The following OPCML variants were observed in gnomAD, a reference collection of about 807,000 sequenced individuals.
OPCML encodes opioid-binding protein/cell adhesion molecule.
A neutral mutation model predicts 37.8 loss-of-function variants in OPCML; 13 were observed. The ratio of observed to expected loss-of-function variants is 0.34; its 90% confidence interval spans 0.22 to 0.55. The LOEUF (loss-of-function observed/expected upper bound fraction) is 0.55, where lower values mean the gene tolerates loss of function less well. Ranked by LOEUF, OPCML falls within the 20% of genes least tolerant of loss-of-function variation. OPCML has a pLI of 0.91. For synonymous variants in OPCML, 176 were observed against 168.8 expected (o/e 1.04, Z -0.33); for missense variants, 341 against 435.6 (o/e 0.78, Z 1.93).
chr11:132,853,588 C>A (rs963715967), intron 2 of OPCML, among the ~76,000 whole-genome samples: 2 of 152,152 alleles, frequency 1.3e-5, no homozygotes, highest in Non-Finnish European at 2.9e-5. Context: ...ACAAAAAAAT[C>A]TCTTGCCTAT....
chr11:132,679,914 G>A (rs1383064753), intron 2 of OPCML, among the ~76,000 whole-genome samples: 1 of 152,186 alleles, frequency 6.6e-6, no homozygotes, highest in East Asian at 1.9e-4. Flanking sequence ...CTGTTTGTTG[G>A]AGACAGGTGG....
chr11:132,689,100 C>G (rs1168829174), intron 2 of OPCML, among the ~76,000 whole-genome samples: 1 of 152,064 alleles, frequency 6.6e-6, no homozygotes, highest in African/African-American at 2.4e-5. Flanking sequence ...TGTAACAAAT[C>G]CCGGGAATGC....
rs1162305568 is a variant in OPCML, at chr11:132,694,179, C to CTTTTTT, written c.147-36866_147-36861dup. On this transcript the variant is annotated intron_variant, in intron 2 of 7. Transcript: ENST00000524381. ...GAGTTTCGTTCTGTGAAATCAATGTCTTTTTTTTTTTTTTTTTTTTTTTTT... is the reference window on the plus strand; with the variant it reads ...GAGTTTCGTTCTGTGAAATCAATGTCTTTTTTTTTTTTTTTTTTTTTTTTTTTTTTT... Among the ~76,000 whole-genome samples, 37 of 43,016 alleles carry CTTTTTT rather than the reference C, an allele frequency of 8.6e-4. 7 individuals are homozygous for CTTTTTT. The highest frequency in any genetic ancestry group is 2.9e-3 in the African/African-American group (32 of 11,034). The allele number at this position is 43,016 out of a possible 152,430, so 28.2% of individuals were successfully genotyped here. A position where few individuals can be genotyped will look rare whatever the true frequency, so the allele number is the denominator to read the frequency against.
intron 1 of OPCML, among the ~76,000 whole-genome samples, chr11:133,352,552 AAT>A (rs1234663957): frequency 6.6e-6 from 1 of 152,200 alleles, no homozygotes; most frequent in Non-Finnish European, 1.5e-5. Context: ...CTTTCACTTC[AAT>A]ATAAATGGAG....
At chr11:133,496,335 A>T (rs1419341397) in intron 1 of OPCML, among the ~76,000 whole-genome samples, 2 of 152,170 alleles carry the variant, frequency 1.3e-5, no homozygotes, top group African/African-American at 4.8e-5. Context: ...AGGTAGTGTG[A>T]CGCCTCCAGA....
In OPCML at chr11:133,198,825, G is replaced by A. The variant is rs1023313261; in HGVS notation, c.62-255815C>T. On this transcript the variant is annotated intron_variant, in intron 1 of 7. Coordinates refer to ENST00000524381, the MANE Select transcript of OPCML (RefSeq NM_001012393.5). ...CTGCTTGAATGCATGCTGTGGAGGC[G>A]TAGAAGATGTGTATTCTGGATTGGG... 4.6e-5 allele frequency among the ~76,000 whole-genome samples: 7 copies of A among 152,218 alleles called. No individual in the cohort carries two copies. In the East Asian group the frequency reaches 9.6e-4, roughly 21 times the overall value.
At chr11:132,924,432 G>C (rs1029858603) in intron 2 of OPCML, among the ~76,000 whole-genome samples, 8 of 152,100 alleles carry the variant, frequency 5.3e-5, no homozygotes, top group Admixed American at 5.2e-4. Flanking sequence ...GTATACCACT[G>C]CACCAAGCTT....
At chr11:133,288,432 T>C (rs1007237731) in intron 1 of OPCML, among the ~76,000 whole-genome samples, 2 of 152,196 alleles carry the variant, frequency 1.3e-5, no homozygotes, top group African/African-American at 4.8e-5. Flanking sequence ...TCAGCACTTG[T>C]GCTCCCAAAG....
intron 2 of OPCML, among the ~76,000 whole-genome samples, chr11:132,860,952 G>C (rs572740995): frequency 6.6e-6 from 1 of 152,302 alleles, no homozygotes; most frequent in South Asian, 2.1e-4. Flanking sequence ...ATTTAAGTGC[G>C]AAGAGATTTG....
At chr11:132,818,660 A>ATATATAT (rs56858242) in intron 2 of OPCML, among the ~76,000 whole-genome samples, 1,630 of 115,524 alleles carry the variant, frequency 0.014, 89 homozygotes, top group African/African-American at 0.048. Context: ...ATATATATAT[A>ATATATAT]GACAGATTAT....
At chr11:132,698,301 C>A (rs1290500813) in intron 2 of OPCML, among the ~76,000 whole-genome samples, 1 of 152,142 alleles carries the variant, frequency 6.6e-6, no homozygotes, top group African/African-American at 2.4e-5. Context: ...TCCTCTCCAA[C>A]ACTGATCTTT....
At chr11:132,550,063 A>G (rs76751620) in intron 3 of OPCML, among the ~76,000 whole-genome samples, 18,905 of 152,124 alleles carry the variant, frequency 0.12, 1,746 homozygotes, top group East Asian at 0.47. Context: ...TCTTTCTTGC[A>G]TGAGGTCCAA....
intron 1 of OPCML, chr11:133,026,383 C>T (rs1452011518): frequency 3.0e-6 from 3 of 985,186 alleles, no homozygotes; most frequent in South Asian, 4.7e-5. Flanking sequence ...GTCTGATTGA[C>T]GAGTGAGCAC....
chr11:132,937,166 C>G (rs867993562), intron 2 of OPCML, among the ~76,000 whole-genome samples: 23 of 152,228 alleles, frequency 1.5e-4, no homozygotes, highest in Middle Eastern at 3.4e-3. Flanking sequence ...CTGCATCTTG[C>G]TGCCGGATCC....
chr11:133,278,901 C>T (rs757324100), intron 1 of OPCML, among the ~76,000 whole-genome samples: 35 of 152,130 alleles, frequency 2.3e-4, no homozygotes, highest in Non-Finnish European at 3.7e-4. Context: ...ACTGAGACTT[C>T]CAGACTTTAA....
intron 2 of OPCML, among the ~76,000 whole-genome samples, chr11:132,730,243 T>G (rs575127186): frequency 6.6e-6 from 1 of 152,098 alleles, no homozygotes; most frequent in Non-Finnish European, 1.5e-5. Context: ...AGGTACCAAA[T>G]GCAGTTGACT....
At chr11:132,738,022 G>T (rs1945315917) in intron 2 of OPCML, among the ~76,000 whole-genome samples, 1 of 152,104 alleles carries the variant, frequency 6.6e-6, no homozygotes, top group African/African-American at 2.4e-5. Flanking sequence ...ATATTAATCA[G>T]ACACTTAGCT....
In OPCML at chr11:133,144,043, T is replaced by A. The variant is rs531006400; in HGVS notation, c.62-201033A>T. Among the ~76,000 whole-genome samples the A allele has an allele frequency of 2.4e-4, 36 of 152,356 alleles. No homozygotes were observed. The South Asian group carries it at 7.5e-3, about 32-fold the overall frequency. On this transcript the variant is annotated intron_variant, in intron 1 of 7. Coordinates refer to ENST00000524381, the MANE Select transcript of OPCML (RefSeq NM_001012393.5). ...ATGTGAAGAGGTGCCACTTAGGGTC[T>A]GCCTGCCTCCTTGTGTCTCATCTTC...
chr11:132,455,762 AATTCATTC>A lies in OPCML; in HGVS notation c.506-18411_506-18404del, dbSNP rs61139767. Among the ~76,000 whole-genome samples, 381 of 150,544 alleles carry A rather than the reference AATTCATTC, an allele frequency of 2.5e-3. 1 individual carries two copies. The highest frequency in any genetic ancestry group is 5.3e-3 in the South Asian group (25 of 4,706). On this transcript the variant is annotated intron_variant, in intron 4 of 7. Transcript: ENST00000524381. ...TGTCTGTCAAAAACCTTCTTTGTCA[AATTCATTC>A]ATTCATTCATTCATTCATTCATTCA... is the stretch of plus-strand genomic sequence containing the variant.
Sources: allele counts gnomAD v4.1 joint callset (sites outside exome capture counted in the v4.1 genomes callset), GRCh38; gene constraint gnomAD v4.1.1; transcripts MANE v1.5; gene names NCBI Gene and HGNC (gene_info 2026-07-23, HGNC 2026-07-21).